Variants in CNTN5 observed in about 807,000 individuals in gnomAD.
The protein encoded by CNTN5 is contactin 5, also known as contactin-5.
A neutral mutation model predicts 129.1 loss-of-function variants in CNTN5; 77 were observed. That is an observed-to-expected ratio of 0.60 (90% CI 0.50 to 0.72). The LOEUF (loss-of-function observed/expected upper bound fraction) is 0.72. Ranked by LOEUF, CNTN5 falls within the 30% of genes least tolerant of loss-of-function variation. The probability of loss-of-function intolerance (pLI) is 0.00; values close to 1 mark genes in which losing one functional copy is unlikely to be tolerated. For missense variants in CNTN5, 1,478 were observed against 1,328.8 expected (o/e 1.11, Z -1.75); for synonymous variants, 509 against 465.6 (o/e 1.09, Z -1.20).
intron 3 of CNTN5, among the ~76,000 whole-genome samples, chr11:99,619,741 A>G (rs949238776): frequency 6.6e-6 from 1 of 152,094 alleles, no homozygotes; most frequent in African/African-American, 2.4e-5. Flanking sequence ...CTAAGAAACA[A>G]AGCTGTCGGG....
intron 3 of CNTN5, among the ~76,000 whole-genome samples, chr11:99,668,868 A>G (rs183072900): frequency 6.6e-6 from 1 of 152,216 alleles, no homozygotes; most frequent in Non-Finnish European, 1.5e-5. Flanking sequence ...ATGAGTTGGC[A>G]TTGTTAAGGA....
intron 21 of CNTN5, among the ~76,000 whole-genome samples, chr11:100,312,804 G>GA (rs1951495179): frequency 6.6e-6 from 1 of 152,034 alleles, no homozygotes; most frequent in Non-Finnish European, 1.5e-5. Context: ...TGAAACTAGA[G>GA]AAGACAGTGT....
chr11:99,651,430 T>A (rs1402213355), intron 3 of CNTN5, among the ~76,000 whole-genome samples: 1 of 151,876 alleles, frequency 6.6e-6, no homozygotes, highest in Non-Finnish European at 1.5e-5. Context: ...TGATAGAAAT[T>A]CTAATCTGTG....
chr11:99,722,019 G>T (rs930876804), intron 3 of CNTN5, among the ~76,000 whole-genome samples: 6 of 152,090 alleles, frequency 3.9e-5, no homozygotes, highest in African/African-American at 1.4e-4. Flanking sequence ...GGGGACACTT[G>T]TACACTGTTG....
At chr11:99,375,302 C>CAAAA (rs397848951) in intron 2 of CNTN5, among the ~76,000 whole-genome samples, 8,906 of 53,544 alleles carry the variant, frequency 0.17, 925 homozygotes, top group South Asian at 0.28. Context: ...GAGTCTGTCT[C>CAAAA]AAAAAAAAAA....
intron 15 of CNTN5, among the ~76,000 whole-genome samples, chr11:100,204,331 T>C (rs2138564124): frequency 9.3e-6 from 1 of 107,834 alleles, no homozygotes; most frequent in South Asian, 2.9e-4. Context: ...TATATATATA[T>C]ATATATATAT....
chr11:99,117,096 G>C (rs558421989), intron 1 of CNTN5, among the ~76,000 whole-genome samples: 1 of 152,286 alleles, frequency 6.6e-6, no homozygotes, highest in African/African-American at 2.4e-5. Context: ...GAAGTATGGA[G>C]AAGATTTTCA....
chr11:100,088,223 G>T (rs534560650), intron 13 of CNTN5, among the ~76,000 whole-genome samples: 1 of 150,842 alleles, frequency 6.6e-6, no homozygotes. Flanking sequence ...AGAAAAAATG[G>T]ATAAATTTCT....
chr11:99,223,330 T>C (rs1184894501), intron 1 of CNTN5, among the ~76,000 whole-genome samples: 1 of 152,204 alleles, frequency 6.6e-6, no homozygotes, highest in East Asian at 1.9e-4. Flanking sequence ...AACAGTTCAA[T>C]AAATGATGAC....
intron 3 of CNTN5, among the ~76,000 whole-genome samples, chr11:99,711,804 C>T (rs567585933): frequency 3.4e-4 from 51 of 152,128 alleles, no homozygotes; most frequent in African/African-American, 1.1e-3. Context: ...CTGCAAAGGA[C>T]ATGAACTCAT....
intron 18 of CNTN5, among the ~76,000 whole-genome samples, chr11:100,275,297 G>A (rs1950485155): frequency 6.6e-6 from 1 of 152,092 alleles, no homozygotes; most frequent in Non-Finnish European, 1.5e-5. Context: ...ATTGTGTACA[G>A]GTGTTCATTA....
At chr11:99,361,795 C>T (rs904363142) in intron 2 of CNTN5, among the ~76,000 whole-genome samples, 12 of 92,450 alleles carry the variant, frequency 1.3e-4, no homozygotes, top group African/African-American at 2.9e-4. Flanking sequence ...AAAGATCATC[C>T]GTGTCATGGC....
At chr11:99,324,694 G>T (rs1354125925) in intron 1 of CNTN5, among the ~76,000 whole-genome samples, 1 of 152,090 alleles carries the variant, frequency 6.6e-6, no homozygotes, top group Non-Finnish European at 1.5e-5. Context: ...CCTTAATGGA[G>T]CTCCTAACAC....
chr11:99,061,166 G>A (rs1003515985), intron 1 of CNTN5, among the ~76,000 whole-genome samples: 5 of 152,136 alleles, frequency 3.3e-5, no homozygotes, highest in African/African-American at 9.7e-5. Context: ...CCAACAGGTT[G>A]TAAGAAATGA....
At chr11:99,805,260 A>G (rs144487650) in intron 3 of CNTN5, among the ~76,000 whole-genome samples, 3 of 152,290 alleles carry the variant, frequency 2.0e-5, no homozygotes, top group Admixed American at 1.3e-4. Flanking sequence ...TAATGGGTAT[A>G]GAGAAGATAG....
At chr11:99,580,437 T>A (rs1949535721) in intron 3 of CNTN5, among the ~76,000 whole-genome samples, 1 of 152,330 alleles carries the variant, frequency 6.6e-6, no homozygotes, top group Middle Eastern at 3.4e-3. Flanking sequence ...CTGGTAGAAT[T>A]TGACTGTGAA....
chr11:99,181,098 G>C (rs1024484518), intron 1 of CNTN5, among the ~76,000 whole-genome samples: 3 of 152,082 alleles, frequency 2.0e-5, no homozygotes, highest in African/African-American at 7.2e-5. Context: ...ACTGTGATGG[G>C]GTACCACCAC....
At chr11:99,609,205 C>G (rs924193991) in intron 3 of CNTN5, among the ~76,000 whole-genome samples, 1 of 151,872 alleles carries the variant, frequency 6.6e-6, no homozygotes, top group Non-Finnish European at 1.5e-5. Context: ...GTTGTTTAAA[C>G]TTGTGTTACA....
At chr11:100,099,673 T>C (rs1032824058) in intron 13 of CNTN5, among the ~76,000 whole-genome samples, 2 of 152,196 alleles carry the variant, frequency 1.3e-5, no homozygotes, top group Admixed American at 6.6e-5. Flanking sequence ...TTGCTTTTTT[T>C]TTTCTATTAA....
Sources: gnomAD v4.1 joint callset for allele counts (sites outside exome capture counted in the v4.1 genomes callset) on GRCh38, gnomAD v4.1.1 for gene constraint, MANE v1.5 for transcripts, NCBI Gene and HGNC (gene_info 2026-07-23, HGNC 2026-07-21) for gene names.